SLC30A7: variants seen among roughly 807,000 people sequenced by gnomAD.
SLC30A7 encodes solute carrier family 30 member 7, also known as zinc transporter 7.
SLC30A7 carries 35 observed loss-of-function variants against 46.0 expected under a neutral mutation model. The ratio of observed to expected loss-of-function variants is 0.76; its 90% CI spans 0.58 to 1.01. The LOEUF is 1.01. Ranked by LOEUF, SLC30A7 falls within the 50% of genes least tolerant of loss-of-function variation. The pLI, the probability that SLC30A7 is intolerant of heterozygous loss-of-function variation, is 0.00. For synonymous variants in SLC30A7, 147 were observed against 157.8 expected (o/e 0.93, Z 0.51); for missense variants, 464 against 451.1 (o/e 1.03, Z -0.26).
intron 2 of SLC30A7, among the ~76,000 whole-genome samples, chr1:100,898,564 A>G (rs1305257816): frequency 2.0e-5 from 3 of 152,052 alleles, no homozygotes; most frequent in African/African-American, 4.8e-5. Context: ...TCTCATGCCT[A>G]TTTATGTTAA....
At chr1:100,940,625 T>C (rs551942328) in intron 8 of SLC30A7, among the ~76,000 whole-genome samples, 32 of 152,316 alleles carry the variant, frequency 2.1e-4, no homozygotes, top group African/African-American at 7.2e-4. Flanking sequence ...TTTATTTAAG[T>C]TACAGGAAAA....
At chr1:100,953,126 A>G (rs962849255) in intron 8 of SLC30A7, among the ~76,000 whole-genome samples, 11 of 152,286 alleles carry the variant, frequency 7.2e-5, no homozygotes, top group Admixed American at 7.2e-4. Flanking sequence ...CACCATGTGA[A>G]GAAGGTCCTG....
chr1:100,959,596 C>A (rs1359685896), intron 8 of SLC30A7, among the ~76,000 whole-genome samples: 1 of 152,212 alleles, frequency 6.6e-6, no homozygotes, highest in East Asian at 1.9e-4. Context: ...AAGTATCCTT[C>A]AATTTCTTGC....
chr1:100,911,061 A>C lies in SLC30A7; in HGVS notation c.297-2A>C, dbSNP rs1652057468. The stretch of plus-strand genomic sequence containing the variant: ...TCAGTTATTTACTTTGTTCCTCTTT[A>C]GGTATGTTAGAGCGGAAGTTCTGGC... On this transcript the variant is annotated splice_acceptor_variant, in intron 3 of 10. Coordinates refer to ENST00000357650, the MANE Select transcript of SLC30A7 (RefSeq NM_133496.5). LOFTEE classifies it high-confidence loss of function. The C allele has an allele frequency of 6.2e-7, 1 of 1,602,090 alleles. No homozygotes were observed. Among genetic ancestry groups the C allele is most frequent in the Admixed American group, 1.7e-5 (1 of 59,286 alleles).
chr1:100,994,107 A>G, the SLC30A7 span, among the ~76,000 whole-genome samples: 1 of 152,146 alleles, frequency 6.6e-6, no homozygotes, highest in African/African-American at 2.4e-5. Context: ...CTACTCATAT[A>G]AAAATTATTA....
At chr1:100,910,101 G>A (rs1233416863) in intron 3 of SLC30A7, among the ~76,000 whole-genome samples, 1 of 152,054 alleles carries the variant, frequency 6.6e-6, no homozygotes, top group Non-Finnish European at 1.5e-5. Context: ...AACATAACTT[G>A]ATAGAGTACA....
At chr1:100,974,495 A>G (rs759943658) in intron 10 of SLC30A7, among the ~76,000 whole-genome samples, 5 of 152,198 alleles carry the variant, frequency 3.3e-5, no homozygotes, top group Non-Finnish European at 1.5e-5. Flanking sequence ...AATTTCAACT[A>G]GGAGCCAACC....
At chr1:100,913,548 G>A (rs1652269261) in intron 5 of SLC30A7, 115 bp from the exon 6 acceptor site, 10 of 738,108 alleles carry the variant, frequency 1.4e-5, no homozygotes, top group Admixed American at 2.6e-5. Flanking sequence ...ACAAGTAAAT[G>A]TTTATTGAAT....
At chr1:100,936,595 A>G (rs75827143) in intron 8 of SLC30A7, among the ~76,000 whole-genome samples, 15 of 152,340 alleles carry the variant, frequency 9.8e-5, no homozygotes, top group African/African-American at 3.6e-4. Flanking sequence ...TGATAAGCAT[A>G]ATATAAAATT....
chr1:100,973,613 C>A (rs1490789869), intron 10 of SLC30A7, among the ~76,000 whole-genome samples: 1 of 152,012 alleles, frequency 6.6e-6, no homozygotes, highest in Non-Finnish European at 1.5e-5. Flanking sequence ...TAATACATCG[C>A]AAGGTGATAA....
In SLC30A7 at chr1:100,975,935, T is replaced by G. The variant is rs1313671440; in HGVS notation, c.*1078T>G. ...GTATACAAATTGTCTTTTTGTGTACTTCCAGCATAGGTTTGGATATATGAA... is the reference window on the plus strand; with the variant it reads ...GTATACAAATTGTCTTTTTGTGTACGTCCAGCATAGGTTTGGATATATGAA... On this transcript the variant is annotated 3_prime_UTR_variant, in exon 11 of 11. Coordinates refer to ENST00000357650, the MANE Select transcript of SLC30A7 (RefSeq NM_133496.5). The G allele has an allele frequency of 8.6e-5, 13 of 151,956 alleles. No individual in the cohort carries two copies. Among genetic ancestry groups the G allele is most frequent in the Non-Finnish European group, 1.5e-5 (1 of 67,940 alleles). The allele number at this position is 151,956 out of a possible 1,614,324, so 9.4% of individuals were successfully genotyped here. A position where few individuals can be genotyped will look rare whatever the true frequency, so the allele number is the denominator to read the frequency against.
At position 100,896,384 on chromosome 1, in the gene SLC30A7, A is replaced by G. The variant is rs183009558; in HGVS notation, c.80+42A>G. 667 of 1,602,890 alleles carry G rather than the reference A, an allele frequency of 4.2e-4. 3 individuals are homozygous for G. In the African/African-American group the frequency reaches 8.1e-3, roughly 19 times the overall value. On this transcript the variant is annotated intron_variant, in intron 1 of 10. Transcript: ENST00000357650. ...TTGCGGGGAGGGGGTGTCCGGCAGA[A>G]AGGGAGAAGGCCCAGACCTCAGGAT...
At chr1:100,969,455 C>G (rs1021272084) in intron 10 of SLC30A7, among the ~76,000 whole-genome samples, 1 of 152,112 alleles carries the variant, frequency 6.6e-6, no homozygotes, top group African/African-American at 2.4e-5. Flanking sequence ...ACAATTTGCC[C>G]TCTGAAAAGG....
At chr1:100,952,629 C>G (rs1390264628) in intron 8 of SLC30A7, among the ~76,000 whole-genome samples, 1 of 152,178 alleles carries the variant, frequency 6.6e-6, no homozygotes, top group African/African-American at 2.4e-5. Flanking sequence ...TATAGTTCAT[C>G]TATATCTTCC....
rs1349252232 is a variant in SLC30A7, at chr1:100,974,236, G to GT, written c.1084-568dup. Among the ~76,000 whole-genome samples, 4 of 152,234 alleles carry GT rather than the reference G, an allele frequency of 2.6e-5. No homozygotes were observed. In the South Asian group the frequency reaches 6.2e-4, roughly 24 times the overall value. On this transcript the variant is annotated intron_variant, in intron 10 of 10. Transcript: ENST00000357650. ...TACCCAAAAGATAATTTCTCATGAG[G>GT]TTTTTTCAAAGATAGAAACAGCTAC... is the stretch of plus-strand genomic sequence containing the variant.
intron 2 of SLC30A7, among the ~76,000 whole-genome samples, chr1:100,899,820 T>C (rs1026258424): frequency 4.0e-4 from 33 of 82,494 alleles, no homozygotes; most frequent in African/African-American, 1.1e-3. Flanking sequence ...GGTGTGCACA[T>C]TTTTTTTTTT....
At chr1:100,936,043 C>A (rs1653940306) in intron 8 of SLC30A7, among the ~76,000 whole-genome samples, 1 of 151,920 alleles carries the variant, frequency 6.6e-6, no homozygotes, top group African/African-American at 2.4e-5. Flanking sequence ...TAAAGGCTTA[C>A]CAGATACCAA....
At chr1:100,920,265 A>T (rs141393033) in intron 7 of SLC30A7, among the ~76,000 whole-genome samples, 1 of 152,054 alleles carries the variant, frequency 6.6e-6, no homozygotes, top group Non-Finnish European at 1.5e-5. Flanking sequence ...TGTATCATAT[A>T]TAAGAGTTTG....
chr1:100,896,501 G>T, intron 1 of SLC30A7, 69 bp from the exon 2 acceptor site: 1 of 1,480,664 alleles, frequency 6.8e-7, no homozygotes. Context: ...TCTTGAAGAG[G>T]GTACCCAGCC....
Sources: allele counts gnomAD v4.1 joint callset (sites outside exome capture counted in the v4.1 genomes callset), GRCh38; gene constraint gnomAD v4.1.1; transcripts MANE v1.5; gene names NCBI Gene and HGNC (gene_info 2026-07-23, HGNC 2026-07-21).